PGM2L1: variants seen among roughly 807,000 people sequenced by gnomAD.
The protein encoded by PGM2L1 is phosphoglucomutase 2 like 1.
PGM2L1 carries 35 observed loss-of-function variants against 73.4 expected under a neutral mutation model. That is an observed-to-expected ratio of 0.48 (90% CI 0.36 to 0.63). The LOEUF is 0.63. PGM2L1 is among the 30% of genes least tolerant of loss of function. The pLI, the probability that PGM2L1 is intolerant of heterozygous loss-of-function variation, is 0.00. For missense variants in PGM2L1, 570 were observed against 742.0 expected (o/e 0.77, Z 2.69); for synonymous variants, 225 against 253.8 (o/e 0.89, Z 1.08).
At chr11:74,386,937 A>G (rs757127187) in intron 1 of PGM2L1, among the ~76,000 whole-genome samples, 29 of 152,238 alleles carry the variant, frequency 1.9e-4, no homozygotes, top group Non-Finnish European at 3.5e-4. Flanking sequence ...AATTTAAATT[A>G]TAATTTCTTT....
chr11:74,349,556 T>A (rs1862318529), intron 6 of PGM2L1, among the ~76,000 whole-genome samples: 1 of 152,128 alleles, frequency 6.6e-6, no homozygotes, highest in African/African-American at 2.4e-5. Context: ...CCCCACTCCT[T>A]GATAAGAATC....
intron 3 of PGM2L1, among the ~76,000 whole-genome samples, chr11:74,371,328 T>C (rs971248158): frequency 9.2e-5 from 14 of 152,102 alleles, no homozygotes; most frequent in African/African-American, 3.4e-4. Context: ...TCAATATGCA[T>C]TATTACCCCT....
intron 6 of PGM2L1, among the ~76,000 whole-genome samples, chr11:74,348,416 T>G (rs1258340018): frequency 6.6e-6 from 1 of 152,220 alleles, no homozygotes; most frequent in African/African-American, 2.4e-5. Context: ...TTACCTCACT[T>G]CAATATGTTT....
chr11:74,374,687 A>G, intron 1 of PGM2L1, 105 bp from the exon 2 acceptor site: 1 of 960,486 alleles, frequency 1.0e-6, no homozygotes, highest in Non-Finnish European at 1.5e-6. Context: ...TCAACATTCA[A>G]TATAAATTCC....
chr11:74,347,500 G>C (rs1046319433), intron 6 of PGM2L1, among the ~76,000 whole-genome samples, 163 bp from the exon 7 acceptor site: 6 of 152,308 alleles, frequency 3.9e-5, no homozygotes, highest in African/African-American at 1.4e-4. Flanking sequence ...CTAACTTAAA[G>C]ATCAAGAGTT....
Position 74,398,034 on chromosome 11 carries a change from G to A in PGM2L1, c.111+17C>T. ...TGGGGGAGGCGACGGCGTTTGCCGG[G>A]CTGACCAGGTACCCACCTTATCCCA... On this transcript the variant is annotated intron_variant, in intron 1 of 13. Transcript: ENST00000298198. The A allele has an allele frequency of 1.9e-6, 3 of 1,589,594 alleles. No individual in the cohort carries two copies. The highest frequency in any genetic ancestry group is 1.7e-6 in the Non-Finnish European group (2 of 1,167,102).
At chr11:74,375,190 G>T (rs892680764) in intron 1 of PGM2L1, among the ~76,000 whole-genome samples, 2 of 152,140 alleles carry the variant, frequency 1.3e-5, no homozygotes, top group Non-Finnish European at 2.9e-5. Context: ...CCATAAAAAC[G>T]TTTTATGTGT....
chr11:74,383,824 A>ATATATATATATATATAT lies in PGM2L1; in HGVS notation c.112-9243_112-9242insATATATATATATATATA, dbSNP rs1862982924. ...AGTATTCTATGGAGATATATAAATA[A>ATATATATATATATATAT]ATATATATATATATATATAACATTT... On this transcript the variant is annotated intron_variant, in intron 1 of 13. Coordinates refer to ENST00000298198, the MANE Select transcript of PGM2L1 (RefSeq NM_173582.6). 7.6e-4 allele frequency among the ~76,000 whole-genome samples: 92 copies of ATATATATATATATATAT among 121,824 alleles called. 1 individual carries two copies. The highest frequency in any genetic ancestry group is 2.9e-3 in the African/African-American group (82 of 28,720). 79.9% of individuals were successfully genotyped at this position (121,824 alleles called of 152,430 possible).
At chr11:74,338,384 A>AT in intron 13 of PGM2L1, 84 bp downstream of exon 13, 1 of 1,266,296 alleles carries the variant, frequency 7.9e-7, no homozygotes, top group Non-Finnish European at 1.1e-6. Flanking sequence ...TGAATTGTAC[A>AT]TTTTAAGTGC....
chr11:74,343,548 T>C, intron 9 of PGM2L1, 132 bp from the exon 10 acceptor site: 1 of 1,334,660 alleles, frequency 7.5e-7, no homozygotes, highest in Non-Finnish European at 9.9e-7. Context: ...CAAAGATTTA[T>C]ACAGTAGCAG....
rs1484276538 is a variant in PGM2L1 at position 74,335,837 on chromosome 11, A to C, written c.*815T>G. 1 of 152,650 alleles carries C rather than the reference A, an allele frequency of 6.6e-6. No individual in the cohort carries two copies. The highest frequency in any genetic ancestry group is 1.5e-5 in the Non-Finnish European group (1 of 68,038). The allele number at this position is 152,650 out of a possible 1,614,324, so 9.5% of individuals were successfully genotyped here. ...TCAGCAAACTCACTTGATATAGAGG[A>C]AGCACCTACAGATTTTGGAAGATTT... On this transcript the variant is annotated 3_prime_UTR_variant, in exon 14 of 14. Transcript: ENST00000298198.
intron 5 of PGM2L1, among the ~76,000 whole-genome samples, chr11:74,361,588 T>C (rs886690478): frequency 6.6e-6 from 1 of 152,018 alleles, no homozygotes; most frequent in Non-Finnish European, 1.5e-5. Context: ...CTTCAGATGA[T>C]CAAACTTCTC....
At chr11:74,360,272 AGAAG>A (rs57064480) in intron 5 of PGM2L1, among the ~76,000 whole-genome samples, 2 of 143,686 alleles carry the variant, frequency 1.4e-5, no homozygotes, top group African/African-American at 2.6e-5. Flanking sequence ...AAAGAGAAAG[AGAAG>A]GAAGGAAGGG....
intron 1 of PGM2L1, among the ~76,000 whole-genome samples, chr11:74,384,306 A>T (rs1862990484): frequency 1.3e-5 from 2 of 151,954 alleles, no homozygotes; most frequent in African/African-American, 4.8e-5. Context: ...ATTTTTAAAA[A>T]TTTACTTTTT....
intron 9 of PGM2L1, among the ~76,000 whole-genome samples, chr11:74,343,769 C>CTTTTTTTT (rs56938172): frequency 1.3e-5 from 1 of 79,118 alleles, no homozygotes; most frequent in Non-Finnish European, 2.3e-5. Flanking sequence ...TTTACATTAT[C>CTTTTTTTT]TTTTTTTTTT....
intron 5 of PGM2L1, among the ~76,000 whole-genome samples, chr11:74,362,235 G>A (rs1341267089): frequency 6.6e-6 from 1 of 152,102 alleles, no homozygotes; most frequent in East Asian, 1.9e-4. Flanking sequence ...GAGAGTGGGG[G>A]CCAATATTCA....
chr11:74,377,556 T>C (rs1591186980), intron 1 of PGM2L1, among the ~76,000 whole-genome samples: 1 of 152,214 alleles, frequency 6.6e-6, no homozygotes, highest in Non-Finnish European at 1.5e-5. Flanking sequence ...TTATATATCA[T>C]CTAGAAGTAT....
At chr11:74,366,824 T>A (rs749402839) in intron 5 of PGM2L1, among the ~76,000 whole-genome samples, 4 of 151,834 alleles carry the variant, frequency 2.6e-5, no homozygotes, top group Non-Finnish European at 5.9e-5. Context: ...GGCAAGGGGG[T>A]TGGGTTTTAT....
rs547396181 is a variant in PGM2L1 at position 74,396,100 on chromosome 11, T to A, written c.111+1951A>T. Among the ~76,000 whole-genome samples, 263 of 147,564 alleles carry A rather than the reference T, an allele frequency of 1.8e-3. 1 individual carries two copies. The highest frequency in any genetic ancestry group is 1.7e-3 in the African/African-American group (68 of 39,406). On this transcript the variant is annotated intron_variant, in intron 1 of 13. Coordinates refer to ENST00000298198, the MANE Select transcript of PGM2L1 (RefSeq NM_173582.6). ...GACCCCATTTCTAAAAAAAAAAAAATTTTTTTTAATTAGCCGGGCGTGGTG... is the reference window on the plus strand; with the variant it reads ...GACCCCATTTCTAAAAAAAAAAAAAATTTTTTTAATTAGCCGGGCGTGGTG...
Sources: allele counts gnomAD v4.1 joint callset (sites outside exome capture counted in the v4.1 genomes callset), GRCh38; gene constraint gnomAD v4.1.1; transcripts MANE v1.5; gene names NCBI Gene and HGNC (gene_info 2026-07-23, HGNC 2026-07-21).